The following ZNF266 variants were observed in gnomAD, a reference collection of about 807,000 sequenced individuals.
The protein encoded by ZNF266 is zinc finger protein 1.
ZNF266 carries 16 observed loss-of-function variants against 16.4 expected under a neutral mutation model. The ratio of observed to expected loss-of-function variants is 0.98; its 90% CI spans 0.66 to 1.48. The LOEUF (loss-of-function observed/expected upper bound fraction) is 1.48, where lower values mean the gene tolerates loss of function less well. ZNF266 is among the 40% of genes most tolerant of loss of function. The probability of loss-of-function intolerance (pLI) is 0.00; values close to 1 mark genes in which losing one functional copy is unlikely to be tolerated. For missense variants in ZNF266, 738 were observed against 689.1 expected, an observed-to-expected ratio of 1.07 and a Z score of -0.79; for synonymous variants, 262 against 237.9, an observed-to-expected ratio of 1.10 and a Z score of -0.93.
In ZNF266 at chr19:9,414,257, T is replaced by C; in HGVS notation, c.869A>G (p.Tyr290Cys). 6.2e-7 allele frequency: 1 copy of C among 1,614,186 alleles called. No individual in the cohort carries two copies. Among genetic ancestry groups the C allele is most frequent in the Non-Finnish European group, 8.5e-7 (1 of 1,180,036 alleles). Residue 290 changes from tyrosine to cysteine, a missense_variant, in exon 11 of 11, where the codon TAT becomes TGT. Transcript: ENST00000592904. Reference protein sequence around the residue: ...KCKECGKGFRYSAYLNIHMGT... With the variant: ...KCKECGKGFRCSAYLNIHMGT... ...CATGTGAATATTAAGGTATGCAGAATATCTAAATCCTTTTCCACATTCCTT... is the reference window on the plus strand; with the variant it reads ...CATGTGAATATTAAGGTATGCAGAACATCTAAATCCTTTTCCACATTCCTT...
intron 5 of ZNF266, among the ~76,000 whole-genome samples, chr19:9,427,006 C>A (rs2070849228): frequency 1.3e-5 from 2 of 152,078 alleles, no homozygotes; most frequent in South Asian, 4.2e-4. Context: ...AAATGGGACC[C>A]CATGGATAAT....
chr19:9,426,613 G>A (rs956805633), intron 5 of ZNF266, among the ~76,000 whole-genome samples: 3 of 151,936 alleles, frequency 2.0e-5, no homozygotes, highest in African/African-American at 7.2e-5. Context: ...TAATCCCGCT[G>A]GCCCTAGATT....
In ZNF266 at chr19:9,415,802, A is replaced by G. The variant is rs1360100100; in HGVS notation, c.317-60T>C. ...ATACAGGGTAGACAGATGGAGCTGA[A>G]AATGAGAGGGATCATTTGTACTTGT... On this transcript the variant is annotated intron_variant, in intron 9 of 10. Transcript: ENST00000592904. The G allele has an allele frequency of 9.5e-6, 13 of 1,375,242 alleles. No individual in the cohort carries two copies. The East Asian group carries it at 3.1e-4, about 33-fold the overall frequency. 85.2% of individuals were successfully genotyped at this position (1,375,242 alleles called of 1,614,324 possible).
Position 9,412,695 on chromosome 19 carries a change from A to G in ZNF266, c.*580T>C, listed in dbSNP as rs1297421633. 6.6e-6 allele frequency: 1 copy of G among 152,454 alleles called. No individual in the cohort carries two copies. Among genetic ancestry groups the G allele is most frequent in the East Asian group, 1.9e-4 (1 of 5,196 alleles). The allele number at this position is 152,454 out of a possible 1,614,324, so 9.4% of individuals were successfully genotyped here. ...GGTTTCCTCTGGAGGCCATAATGAA[A>G]GCATCTGTTCCAGGTCTCTGTCCTT... On this transcript the variant is annotated 3_prime_UTR_variant, in exon 11 of 11. Transcript: ENST00000592904.
chr19:9,413,947 ACATT>A lies in ZNF266; in HGVS notation c.1175_1178del (p.Glu392ValfsTer24), dbSNP rs769040427. On this transcript the variant is annotated frameshift_variant, in exon 11 of 11. Coordinates refer to ENST00000592904, the MANE Select transcript of ZNF266 (RefSeq NM_001370374.1). LOFTEE classifies it low-confidence loss of function (END_TRUNC). ...TTCTAAAGGATTTTCCACATATCTTACATTCAAAGGGATCCTTTGCAGTGTGAGT... is the reference window on the plus strand; with the variant it reads ...TTCTAAAGGATTTTCCACATATCTTACAAAGGGATCCTTTGCAGTGTGAGT... The A allele has an allele frequency of 2.5e-6, 4 of 1,614,226 alleles. No individual in the cohort carries two copies. In the Admixed American group the frequency reaches 5.0e-5, roughly 20 times the overall value.
At chr19:9,416,575 G>A (rs1599442446) in intron 9 of ZNF266, among the ~76,000 whole-genome samples, 2 of 149,318 alleles carry the variant, frequency 1.3e-5, no homozygotes, top group Admixed American at 6.7e-5. Flanking sequence ...TGTTGGCCAT[G>A]CTGGTCTCGA....
chr19:9,425,668 T>C (rs1394550817), intron 5 of ZNF266, among the ~76,000 whole-genome samples: 1 of 152,182 alleles, frequency 6.6e-6, no homozygotes. Context: ...CTGCTGTGCA[T>C]TGCTGCCTGT....
At chr19:9,427,330 T>G (rs538426908) in intron 5 of ZNF266, among the ~76,000 whole-genome samples, 42 of 152,220 alleles carry the variant, frequency 2.8e-4, no homozygotes, top group East Asian at 7.7e-4. Context: ...TTGTTTGTTT[T>G]TTTTTCTGAG....
intron 9 of ZNF266, among the ~76,000 whole-genome samples, chr19:9,417,393 AT>A (rs1449582910): frequency 2.0e-5 from 3 of 151,758 alleles, no homozygotes; most frequent in Admixed American, 6.6e-5. Flanking sequence ...AATAAAAAAA[AT>A]AATGGCCTCA....
At chr19:9,418,774 C>T (rs910566193) in intron 7 of ZNF266, 143 bp from the exon 8 acceptor site, 6 of 559,318 alleles carry the variant, frequency 1.1e-5, no homozygotes, top group African/African-American at 7.6e-5. Context: ...ACTGTCAGTC[C>T]CCTCCAGTGA....
At chr19:9,423,412 G>T (rs1348006613) in intron 5 of ZNF266, among the ~76,000 whole-genome samples, 1 of 152,176 alleles carries the variant, frequency 6.6e-6, no homozygotes, top group African/African-American at 2.4e-5. Flanking sequence ...TTTATCAGTA[G>T]TCATGGCCTC....
At chr19:9,434,596 C>T (rs189961047) in intron 3 of ZNF266, among the ~76,000 whole-genome samples, 12 of 152,192 alleles carry the variant, frequency 7.9e-5, no homozygotes, top group Admixed American at 5.2e-4. Flanking sequence ...AACTTGGATA[C>T]GTAATAGATC....
At chr19:9,419,134 G>A (rs985423482) in intron 7 of ZNF266, 83 bp downstream of exon 7, 2 of 155,696 alleles carry the variant, frequency 1.3e-5, no homozygotes, top group African/African-American at 4.8e-5. Context: ...AAGAAGCTCT[G>A]AAGATAATTC....
chr19:9,414,834 T>C, intron 10 of ZNF266, 114 bp from the exon 11 acceptor site: 1 of 1,247,642 alleles, frequency 8.0e-7, no homozygotes, highest in Non-Finnish European at 1.1e-6. Context: ...CCATTTTCAT[T>C]ACACACATAT....
Position 9,413,230 on chromosome 19 carries a change from T to C in ZNF266, c.*45A>G, listed in dbSNP as rs760699784. On this transcript the variant is annotated 3_prime_UTR_variant, in exon 11 of 11. Transcript: ENST00000592904. ...AGGGTTTCTCCCCAGTGAGTTTTCA[T>C]GTCTTCAGAGAGAACAGGGACACCT... The C allele has an allele frequency of 1.2e-5, 19 of 1,524,420 alleles. No individual in the cohort carries two copies. The Admixed American group carries it at 1.6e-4, about 13-fold the overall frequency. The allele number at this position is 1,524,420 out of a possible 1,614,324, so 94.4% of individuals were successfully genotyped here.
chr19:9,419,984 G>C (rs2069615231), intron 6 of ZNF266, 81 bp downstream of exon 6: 1 of 148,664 alleles, frequency 6.7e-6, no homozygotes, highest in South Asian at 2.2e-4. Flanking sequence ...GAATGATCAG[G>C]CACAGGCCAC....
intron 9 of ZNF266, among the ~76,000 whole-genome samples, chr19:9,417,623 G>T (rs553343682): frequency 1.3e-5 from 2 of 152,070 alleles, no homozygotes; most frequent in Non-Finnish European, 2.9e-5. Flanking sequence ...GCTACTCAGG[G>T]GGCTGAGGCA....
At position 9,412,947 on chromosome 19, in the gene ZNF266, T is replaced by C; in HGVS notation, c.*328A>G. Reference sequence around the variant, plus strand: ...ATGGAGTGGGGCATCATCCAGACCATACCATTTAAATTGCAGGGTTTCTCT... The same window carrying C: ...ATGGAGTGGGGCATCATCCAGACCACACCATTTAAATTGCAGGGTTTCTCT... On this transcript the variant is annotated 3_prime_UTR_variant, in exon 11 of 11. Transcript: ENST00000592904. 3.2e-6 allele frequency: 1 copy of C among 312,350 alleles called. No homozygotes were observed. Among genetic ancestry groups the C allele is most frequent in the East Asian group, 6.7e-5 (1 of 14,872 alleles). 19.3% of individuals were successfully genotyped at this position (312,350 alleles called of 1,614,324 possible).
At position 9,412,454 on chromosome 19, in the gene ZNF266, T is replaced by G. The variant is rs148565561; in HGVS notation, c.*821A>C. On this transcript the variant is annotated 3_prime_UTR_variant, in exon 11 of 11. Transcript: ENST00000592904. ...TAATCACAAAAAAATTTTATTATGT[T>G]TGAAGAAAGCTTAAAAATTTGTGTT... 1.3e-5 allele frequency: 2 copies of G among 152,360 alleles called. No homozygotes were observed. The highest frequency in any genetic ancestry group is 3.9e-4 in the East Asian group (2 of 5,186). The allele number at this position is 152,360 out of a possible 1,614,324, so 9.4% of individuals were successfully genotyped here.
Sources: gnomAD v4.1 joint callset for allele counts (sites outside exome capture counted in the v4.1 genomes callset) on GRCh38, gnomAD v4.1.1 for gene constraint, MANE v1.5 for transcripts, NCBI Gene and HGNC (gene_info 2026-07-23, HGNC 2026-07-21) for gene names.